Variants in PRRT1B observed in about 807,000 individuals in gnomAD.
The protein encoded by PRRT1B is proline rich transmembrane protein 1B.
exon 4 of PRRT1B, chr9:131,558,095 G>A (rs1477158389): frequency 2.5e-6 from 1 of 400,562 alleles, no homozygotes; most frequent in Non-Finnish European, 4.4e-6. Context: ...CCAGGCTGAG[G>A]AGGCCTCGCG....
intron 1 of PRRT1B, among the ~76,000 whole-genome samples, chr9:131,548,535 G>A (rs962960453): frequency 6.6e-5 from 10 of 152,036 alleles, no homozygotes; most frequent in African/African-American, 2.2e-4. Flanking sequence ...ATGGGCAACC[G>A]GTCTGAGGTG....
At chr9:131,547,065 C>CTGTTTT (rs1950980929) in intron 1 of PRRT1B, among the ~76,000 whole-genome samples, 1 of 100,804 alleles carries the variant, frequency 9.9e-6, no homozygotes, top group Non-Finnish European at 1.8e-5. Flanking sequence ...CTCCTGTTCG[C>CTGTTTT]TTTTTTTTTT....
At chr9:131,547,084 T>TTTTTTTTG (rs1950981549) in intron 1 of PRRT1B, among the ~76,000 whole-genome samples, 1 of 97,520 alleles carries the variant, frequency 1.0e-5, no homozygotes, top group African/African-American at 3.5e-5. Context: ...TTTTTTTTTT[T>TTTTTTTTG]TTTTTGAGAC....
intron 1 of PRRT1B, among the ~76,000 whole-genome samples, chr9:131,550,471 C>T (rs901152810): frequency 1.4e-4 from 22 of 152,182 alleles, no homozygotes; most frequent in Non-Finnish European, 3.1e-4. Flanking sequence ...TCAGTCAAGC[C>T]CAAATTTCTT....
chr9:131,555,888 G>C (rs888945688), intron 2 of PRRT1B, among the ~76,000 whole-genome samples, 182 bp from the exon 3 acceptor site: 11 of 152,228 alleles, frequency 7.2e-5, no homozygotes, highest in African/African-American at 2.6e-4. Context: ...GAGTGGCCAG[G>C]GGTGCAAGAG....
At chr9:131,546,047 TG>T (rs1274233247) in intron 1 of PRRT1B, among the ~76,000 whole-genome samples, 1 of 151,880 alleles carries the variant, frequency 6.6e-6, no homozygotes. Flanking sequence ...TCAGGAGCTC[TG>T]GGGGCGCCCC....
intron 3 of PRRT1B, 75 bp downstream of exon 3, chr9:131,556,288 C>T (rs1221005876): frequency 2.5e-6 from 1 of 399,588 alleles, no homozygotes; most frequent in Admixed American, 4.4e-5. Flanking sequence ...TCCACAGAGC[C>T]CCTCTTCCAG....
chr9:131,554,934 G>A (rs923303942), exon 2 of PRRT1B: 4 of 388,348 alleles, frequency 1.0e-5, no homozygotes, highest in African/African-American at 6.3e-5. Flanking sequence ...CGCGCCGTCT[G>A]CGCTCTTCCC....
At chr9:131,550,220 A>G (rs1951001594) in intron 1 of PRRT1B, among the ~76,000 whole-genome samples, 1 of 152,186 alleles carries the variant, frequency 6.6e-6, no homozygotes. Context: ...GCGCCTTATC[A>G]TCCAAATTGT....
intron 1 of PRRT1B, among the ~76,000 whole-genome samples, chr9:131,549,614 C>T (rs900115699): frequency 1.2e-4 from 19 of 152,134 alleles, no homozygotes; most frequent in African/African-American, 2.4e-4. Flanking sequence ...TGCTGAGCTT[C>T]GGGTAACTCT....
At position 131,551,664 on chromosome 9, in the gene PRRT1B, T is replaced by A. The variant is rs925893582; in HGVS notation, c.26-2893T>A. 2.0e-5 allele frequency among the ~76,000 whole-genome samples: 3 copies of A among 152,160 alleles called. No homozygotes were observed. The highest frequency in any genetic ancestry group is 2.9e-5 in the Non-Finnish European group (2 of 68,010). On this transcript the variant is annotated intron_variant, in intron 1 of 3. Coordinates refer to ENST00000636672, the Ensembl canonical transcript of PRRT1B. The surrounding 1 kb of genome is among the most constrained non-coding windows in gnomAD (Gnocchi z 4.4). ...GAAAATGGCCTGTTCCTGCCTTAAC[T>A]GATGACATTACCTTGTGAAATTCCT... is the stretch of plus-strand genomic sequence containing the variant.
chr9:131,545,940 C>T (rs1950971486), intron 1 of PRRT1B, among the ~76,000 whole-genome samples: 1 of 151,880 alleles, frequency 6.6e-6, no homozygotes, highest in Non-Finnish European at 1.5e-5. Flanking sequence ...CTGTGGTGCC[C>T]CGGAGGCCGG....
At chr9:131,554,435 T>G (rs1951032553) in intron 1 of PRRT1B, 122 bp from the exon 2 acceptor site, 1 of 365,412 alleles carries the variant, frequency 2.7e-6, no homozygotes, top group South Asian at 1.5e-4. Flanking sequence ...TCCCTTTGCG[T>G]CACGATCCTA....
chr9:131,551,035 C>T lies in PRRT1B; in HGVS notation c.26-3522C>T, dbSNP rs1463760783. 2.1e-5 allele frequency among the ~76,000 whole-genome samples: 3 copies of T among 143,968 alleles called. No homozygotes were observed. The highest frequency in any genetic ancestry group is 5.1e-5 in the African/African-American group (2 of 39,090). 94.4% of individuals were successfully genotyped at this position (143,968 alleles called of 152,430 possible). A position where few individuals can be genotyped will look rare whatever the true frequency, so the allele number is the denominator to read the frequency against. ...TCGGCTCACTGCAAGCTCTGCCTCCCGGGTTCACGCCATTCTTCTGCCTCA... is the reference window on the plus strand; with the variant it reads ...TCGGCTCACTGCAAGCTCTGCCTCCTGGGTTCACGCCATTCTTCTGCCTCA... On this transcript the variant is annotated intron_variant, in intron 1 of 3. Coordinates refer to ENST00000636672, the Ensembl canonical transcript of PRRT1B. The surrounding 1 kb of genome is among the most constrained non-coding windows in gnomAD (Gnocchi z 4.4).
intron 1 of PRRT1B, among the ~76,000 whole-genome samples, chr9:131,545,886 G>A (rs1354146659): frequency 1.3e-5 from 2 of 152,162 alleles, no homozygotes; most frequent in African/African-American, 2.4e-5. Flanking sequence ...TGCGGGCCAT[G>A]TTCTGGAGGG....
chr9:131,552,731 G>C lies in PRRT1B; in HGVS notation c.26-1826G>C, dbSNP rs962412273. ...TCTGTAGCCCAAGCTGTAGTGCAGC[G>C]GTGTGATCTCGGCTCACTGCAACCT... is the stretch of plus-strand genomic sequence containing the variant. On this transcript the variant is annotated intron_variant, in intron 1 of 3. Transcript: ENST00000636672. 5.3e-5 allele frequency among the ~76,000 whole-genome samples: 8 copies of C among 151,908 alleles called. No individual in the cohort carries two copies. The South Asian group carries it at 1.0e-3, about 20-fold the overall frequency.
intron 1 of PRRT1B, among the ~76,000 whole-genome samples, chr9:131,548,135 C>T (rs1358924092): frequency 6.6e-6 from 1 of 152,112 alleles, no homozygotes. Context: ...ACATTGCAGC[C>T]AGGGCTGCTC....
rs1482671366 is a variant in PRRT1B at position 131,545,663 on chromosome 9, T to A, written c.25+23T>A. On this transcript the variant is annotated intron_variant, in intron 1 of 3. Transcript: ENST00000636672. ...CAGGTGCCGGAGGGGCAGGTGCTGG[T>A]GGGACAGGTACTGGCGGGGCAGGTA... The A allele has an allele frequency of 1.5e-3, 568 of 384,192 alleles. 1 individual carries two copies. Among genetic ancestry groups the A allele is most frequent in the African/African-American group, 0.012 (462 of 39,500 alleles). 23.8% of individuals were successfully genotyped at this position (384,192 alleles called of 1,614,324 possible).
chr9:131,552,643 C>A (rs1009993485), intron 1 of PRRT1B, among the ~76,000 whole-genome samples: 9 of 149,492 alleles, frequency 6.0e-5, no homozygotes, highest in Non-Finnish European at 1.3e-4. Flanking sequence ...TTGTCTCCTG[C>A]ACATGCAGTT....
Sources: allele counts gnomAD v4.1 joint callset (sites outside exome capture counted in the v4.1 genomes callset), GRCh38; gene constraint gnomAD v4.1.1; non-coding constraint Gnocchi (gnomAD v3.1); transcripts MANE v1.5; gene names NCBI Gene and HGNC (gene_info 2026-07-23, HGNC 2026-07-21).